Variants in SPAG9 observed in about 807,000 individuals in gnomAD.
The protein encoded by SPAG9 is sperm associated antigen 9, also known as C-Jun-amino-terminal kinase-interacting protein 4.
In SPAG9, 35 loss-of-function variants were observed where a neutral mutation model predicts 166.5. The observed-to-expected ratio is 0.21, with a 90% CI of 0.16 to 0.28. The LOEUF (loss-of-function observed/expected upper bound fraction) is 0.28. Among genes scored for constraint, SPAG9 ranks in the 10% least tolerant of loss-of-function variants. The pLI is 1.00. For synonymous variants in SPAG9, 534 were observed against 565.5 expected, an observed-to-expected ratio of 0.94 and a Z score of 0.79; for missense variants, 1,235 against 1,603.3, an observed-to-expected ratio of 0.77 and a Z score of 3.92.
intron 1 of SPAG9, among the ~76,000 whole-genome samples, chr17:51,117,439 C>T (rs1299828522): frequency 1.3e-5 from 2 of 152,062 alleles, no homozygotes; most frequent in African/African-American, 2.4e-5. Context: ...CAGGCCGGCA[C>T]GGTGGCTCAT....
At chr17:51,007,989 A>G in intron 9 of SPAG9, 1 of 298,260 alleles carries the variant, frequency 3.4e-6, no homozygotes, top group Non-Finnish European at 6.8e-6. Context: ...CAATGTTATG[A>G]TTTAATGCAT....
At chr17:51,026,746 G>T (rs1349350652) in intron 6 of SPAG9, among the ~76,000 whole-genome samples, 2 of 140,764 alleles carry the variant, frequency 1.4e-5, no homozygotes, top group Non-Finnish European at 3.0e-5. Context: ...GCGCAATCTT[G>T]GCTCACCGCA....
intron 5 of SPAG9, among the ~76,000 whole-genome samples, chr17:51,038,491 CT>C (rs1181675217): frequency 1.3e-5 from 2 of 152,136 alleles, no homozygotes; most frequent in Non-Finnish European, 2.9e-5. Flanking sequence ...AAGATGAGGA[CT>C]GAGAATTTTC....
intron 6 of SPAG9, among the ~76,000 whole-genome samples, chr17:51,021,608 AAG>A (rs1199968498): frequency 1.3e-5 from 2 of 152,240 alleles, no homozygotes; most frequent in Non-Finnish European, 2.9e-5. Flanking sequence ...TTGAAAATAA[AAG>A]AATTATTAGC....
intron 12 of SPAG9, among the ~76,000 whole-genome samples, chr17:51,003,332 C>A (rs2045046277): frequency 6.6e-6 from 1 of 152,126 alleles, no homozygotes. Flanking sequence ...AGATTTAATA[C>A]ACTATTGTAA....
chr17:51,119,619 A>C (rs528714117), intron 1 of SPAG9, among the ~76,000 whole-genome samples: 2 of 152,296 alleles, frequency 1.3e-5, no homozygotes, highest in African/African-American at 4.8e-5. Flanking sequence ...AGTGTTGCCA[A>C]CTGTCACCTA....
In SPAG9 at chr17:51,084,845, G is replaced by A. The variant is rs188844280; in HGVS notation, c.304-5141C>T. Among the ~76,000 whole-genome samples the A allele has an allele frequency of 3.6e-3, 534 of 150,098 alleles. 2 individuals carry two copies. The highest frequency in any genetic ancestry group is 0.012 in the African/African-American group (513 of 41,352). On this transcript the variant is annotated intron_variant, in intron 1 of 29. Transcript: ENST00000262013. ...TAACAAAAAATTTTACCACTATTTT[G>A]CTTTTTATTTATTTATTTTTTTTGA...
chr17:51,081,488 A>C (rs973691323), intron 1 of SPAG9, among the ~76,000 whole-genome samples: 32 of 152,082 alleles, frequency 2.1e-4, no homozygotes, highest in African/African-American at 6.3e-4. Flanking sequence ...TCATGCCTGT[A>C]ATCCCAGCAC....
chr17:51,011,870 T>C (rs971534068), intron 9 of SPAG9, among the ~76,000 whole-genome samples: 1 of 152,210 alleles, frequency 6.6e-6, no homozygotes, highest in African/African-American at 2.4e-5. Flanking sequence ...CATCAGGATA[T>C]TACTTTTAAT....
intron 5 of SPAG9, among the ~76,000 whole-genome samples, chr17:51,034,502 C>T (rs1413812584): frequency 6.6e-6 from 1 of 151,998 alleles, no homozygotes; most frequent in Non-Finnish European, 1.5e-5. Context: ...CAGGAGCCAA[C>T]CTGAAAGAGC....
chr17:51,079,883 T>TAGA (rs956889440), intron 1 of SPAG9, among the ~76,000 whole-genome samples, 179 bp from the exon 2 acceptor site: 19 of 152,142 alleles, frequency 1.2e-4, no homozygotes, highest in Non-Finnish European at 2.1e-4. Context: ...CTCCCAAATA[T>TAGA]AGAAGAAAAA....
Position 50,990,430 on chromosome 17 carries a change from G to A in SPAG9, c.2617+20C>T, listed in dbSNP as rs776076587. ...AGCCTTAGACTCTATACAGATGGCA[G>A]GTAAAGAGAATGGATATACCTGGTG... On this transcript the variant is annotated intron_variant, in intron 20 of 29. Coordinates refer to ENST00000262013, the MANE Select transcript of SPAG9 (RefSeq NM_001130528.3). 2.8e-5 allele frequency: 43 copies of A among 1,556,152 alleles called. No individual in the cohort carries two copies. Among genetic ancestry groups the A allele is most frequent in the Non-Finnish European group, 3.5e-5 (40 of 1,127,334 alleles).
chr17:50,982,482 T>C (rs540093319), intron 25 of SPAG9, 42 bp downstream of exon 25: 3 of 1,561,510 alleles, frequency 1.9e-6, no homozygotes, highest in African/African-American at 1.4e-5. Flanking sequence ...CTTCGGATAA[T>C]ACAAATTCAA....
At position 51,001,705 on chromosome 17, in the gene SPAG9, T is replaced by C. The variant is rs757954576; in HGVS notation, c.1607+10A>G. 2.5e-6 allele frequency: 4 copies of C among 1,600,476 alleles called. No homozygotes were observed. The highest frequency in any genetic ancestry group is 3.4e-6 in the Non-Finnish European group (4 of 1,176,778). ...TAGTAGGAAAATAATGGAGCGCTTG[T>C]CATACAAACCGAATCATCTCTGTCC... On this transcript the variant is annotated intron_variant, in intron 13 of 29. Coordinates refer to ENST00000262013, the MANE Select transcript of SPAG9 (RefSeq NM_001130528.3).
chr17:51,001,678 A>G, intron 13 of SPAG9, 37 bp downstream of exon 13: 1 of 1,585,812 alleles, frequency 6.3e-7, no homozygotes, highest in Non-Finnish European at 8.6e-7. Context: ...CCTACAAAAT[A>G]ATAGTAGGAA....
At chr17:50,973,476 T>G (rs866517212) in intron 28 of SPAG9, among the ~76,000 whole-genome samples, 1 of 152,210 alleles carries the variant, frequency 6.6e-6, no homozygotes. Flanking sequence ...AGAAAGCTCA[T>G]TATCACTGTT....
At chr17:51,037,893 C>T (rs991231992) in intron 5 of SPAG9, among the ~76,000 whole-genome samples, 11 of 151,588 alleles carry the variant, frequency 7.3e-5, no homozygotes, top group African/African-American at 1.7e-4. Flanking sequence ...TGCTCTTTAA[C>T]GCAACAGCTT....
chr17:51,040,926 A>G (rs1370003050), intron 5 of SPAG9, among the ~76,000 whole-genome samples: 11 of 152,224 alleles, frequency 7.2e-5, no homozygotes, highest in Admixed American at 6.5e-4. Flanking sequence ...GTTAATTATT[A>G]GCTTATATCC....
intron 2 of SPAG9, among the ~76,000 whole-genome samples, chr17:51,058,471 A>G (rs1452679548): frequency 6.6e-6 from 1 of 152,226 alleles, no homozygotes; most frequent in Non-Finnish European, 1.5e-5. Flanking sequence ...GATTCCTATC[A>G]GAATCTGGCT....
Sources: gnomAD v4.1 joint callset for allele counts (sites outside exome capture counted in the v4.1 genomes callset) on GRCh38, gnomAD v4.1.1 for gene constraint, MANE v1.5 for transcripts, NCBI Gene and HGNC (gene_info 2026-07-23, HGNC 2026-07-21) for gene names.